The following COLEC12 variants were observed in gnomAD, a reference collection of about 807,000 sequenced individuals.
COLEC12 encodes collectin subfamily member 12.
In COLEC12, 33 loss-of-function variants were observed where a neutral mutation model predicts 71.1. The ratio of observed to expected loss-of-function variants is 0.46; its 90% CI spans 0.35 to 0.62. COLEC12 has a LOEUF of 0.62. Among genes scored for constraint, COLEC12 ranks in the 20% least tolerant of loss-of-function variants. COLEC12 has a pLI of 0.00. For synonymous variants in COLEC12, 350 were observed against 353.0 expected (o/e 0.99, Z 0.10); for missense variants, 765 against 916.1 (o/e 0.84, Z 2.13).
At chr18:421,620 T>C (rs1916100026) in intron 2 of COLEC12, among the ~76,000 whole-genome samples, 1 of 152,162 alleles carries the variant, frequency 6.6e-6, no homozygotes, top group Non-Finnish European at 1.5e-5. Context: ...CTTCACAGCA[T>C]GAGTAATGCA....
At chr18:444,784 T>C (rs1225923680) in intron 2 of COLEC12, among the ~76,000 whole-genome samples, 2 of 152,336 alleles carry the variant, frequency 1.3e-5, no homozygotes, top group Middle Eastern at 3.4e-3. Context: ...TTCCATATTA[T>C]CTTAAGGCAA....
chr18:356,949 A>G (rs1481893653), intron 3 of COLEC12, among the ~76,000 whole-genome samples: 3 of 152,208 alleles, frequency 2.0e-5, no homozygotes, highest in African/African-American at 7.2e-5. Flanking sequence ...TGCTGCAGAG[A>G]AAAAAGGGAA....
At chr18:386,036 G>A (rs182418101) in intron 2 of COLEC12, among the ~76,000 whole-genome samples, 1 of 152,128 alleles carries the variant, frequency 6.6e-6, no homozygotes, top group Admixed American at 6.6e-5. Flanking sequence ...AGTGAGCTGG[G>A]GATACAGTAG....
At chr18:401,511 A>G (rs1567897025) in intron 2 of COLEC12, among the ~76,000 whole-genome samples, 1 of 151,974 alleles carries the variant, frequency 6.6e-6, no homozygotes, top group Non-Finnish European at 1.5e-5. Context: ...GTGAAAGTAT[A>G]ATTATTATCA....
chr18:330,489 G>GTTTTTTTTTTTTTTTTTTTT (rs5822557), intron 8 of COLEC12, among the ~76,000 whole-genome samples: 1 of 147,458 alleles, frequency 6.8e-6, no homozygotes, highest in African/African-American at 2.5e-5. Flanking sequence ...TACTCAGAGG[G>GTTTTTTTTTTTTTTTTTTTT]TTTTTTTTTT....
At position 317,325 on chromosome 18, in the gene COLEC12, A is replaced by T. The variant is rs1913570648; in HGVS notation, c.*2720T>A. On this transcript the variant is annotated 3_prime_UTR_variant, in exon 10 of 10. Transcript: ENST00000400256. ...AATGTGTGATTATTCATTTGATTTT[A>T]TTCAGTGTGCTATTAAGAAGGGCCC... 1 of 152,222 alleles carries T rather than the reference A, an allele frequency of 6.6e-6. No individual in the cohort carries two copies. The highest frequency in any genetic ancestry group is 1.5e-5 in the Non-Finnish European group (1 of 68,044). 9.4% of individuals were successfully genotyped at this position (152,222 alleles called of 1,614,324 possible).
intron 6 of COLEC12, 34 bp from the exon 7 acceptor site, chr18:333,177 A>C: frequency 6.4e-7 from 1 of 1,562,412 alleles, no homozygotes; most frequent in Non-Finnish European, 8.7e-7. Flanking sequence ...ATTGATTAAA[A>C]GATCACAGAA....
At chr18:463,131 C>T (rs902261776) in intron 2 of COLEC12, among the ~76,000 whole-genome samples, 2 of 152,178 alleles carry the variant, frequency 1.3e-5, no homozygotes, top group African/African-American at 2.4e-5. Context: ...CCTTAGGCTT[C>T]GTACCCAGAA....
intron 2 of COLEC12, among the ~76,000 whole-genome samples, chr18:369,741 CAT>C (rs1205880325): frequency 6.6e-6 from 1 of 152,162 alleles, no homozygotes; most frequent in Admixed American, 6.5e-5. Context: ...TCAATTCCCA[CAT>C]GTCTGTTAAT....
chr18:344,656 T>A (rs555068710), intron 5 of COLEC12, among the ~76,000 whole-genome samples: 24 of 152,244 alleles, frequency 1.6e-4, no homozygotes, highest in Non-Finnish European at 3.1e-4. Flanking sequence ...CTGGAAGACA[T>A]ATTTCACTGC....
At chr18:441,116 CGG>C (rs1567908762) in intron 2 of COLEC12, among the ~76,000 whole-genome samples, 1 of 42,908 alleles carries the variant, frequency 2.3e-5, no homozygotes. Flanking sequence ...GGCGTGGTGG[CGG>C]GCGCCTGTAG....
intron 6 of COLEC12, chr18:333,355 A>T (rs1598328161): frequency 2.2e-6 from 1 of 463,652 alleles, no homozygotes; most frequent in Admixed American, 4.0e-5. Context: ...CATAATCTGG[A>T]AAAGATCTTT....
intron 2 of COLEC12, among the ~76,000 whole-genome samples, chr18:370,490 G>T (rs1446643167): frequency 2.6e-5 from 4 of 152,100 alleles, no homozygotes; most frequent in Non-Finnish European, 5.9e-5. Context: ...CGGTGAATAT[G>T]GAATTTGGAA....
intron 3 of COLEC12, among the ~76,000 whole-genome samples, chr18:355,047 G>GCATCCATCCATCCATC (rs112034077): frequency 1.9e-4 from 29 of 150,262 alleles, no homozygotes; most frequent in Admixed American, 1.3e-4. Context: ...ATCCATCCAT[G>GCATCCATCCATCCATC]CATCCATCCA....
At chr18:369,142 A>C (rs1207790645) in intron 2 of COLEC12, among the ~76,000 whole-genome samples, 1 of 152,146 alleles carries the variant, frequency 6.6e-6, no homozygotes, top group East Asian at 1.9e-4. Flanking sequence ...CCAGCATTCC[A>C]CTCAGCGCCC....
chr18:499,746 C>G (rs1009988870), intron 1 of COLEC12, among the ~76,000 whole-genome samples: 38 of 152,222 alleles, frequency 2.5e-4, no homozygotes, highest in African/African-American at 8.9e-4. Flanking sequence ...AGAAGGCTGC[C>G]CTGCAGTCCT....
intron 2 of COLEC12, among the ~76,000 whole-genome samples, chr18:455,805 T>C (rs754550616): frequency 6.6e-6 from 1 of 152,232 alleles, no homozygotes; most frequent in African/African-American, 2.4e-5. Flanking sequence ...GCTTCGTCCA[T>C]GTCCCTGCAA....
intron 2 of COLEC12, among the ~76,000 whole-genome samples, chr18:410,669 C>T (rs902362556): frequency 2.6e-5 from 4 of 152,098 alleles, no homozygotes; most frequent in Non-Finnish European, 5.9e-5. Context: ...AGGTGATCTG[C>T]CCGCCTTGGC....
chr18:326,380 C>T (rs568994555), intron 8 of COLEC12, among the ~76,000 whole-genome samples: 2 of 152,264 alleles, frequency 1.3e-5, no homozygotes, highest in Non-Finnish European at 2.9e-5. Context: ...TGGAGTCTCG[C>T]TCTGTCACCC....
Sources: gnomAD v4.1 joint callset for allele counts (sites outside exome capture counted in the v4.1 genomes callset) on GRCh38, gnomAD v4.1.1 for gene constraint, MANE v1.5 for transcripts, NCBI Gene and HGNC (gene_info 2026-07-23, HGNC 2026-07-21) for gene names.